CYP2J2: variants seen among roughly 807,000 people sequenced by gnomAD.
CYP2J2 encodes cytochrome P450 2J2.
In CYP2J2, 41 loss-of-function variants were observed where a neutral mutation model predicts 48.8. The ratio of observed to expected loss-of-function variants is 0.84; its 90% confidence interval spans 0.66 to 1.09. CYP2J2 has a LOEUF of 1.09. CYP2J2 is among the 50% of genes least tolerant of loss of function. CYP2J2 has a pLI of 0.00. For missense variants in CYP2J2, 644 were observed against 617.3 expected (o/e 1.04, Z -0.46); for synonymous variants, 221 against 227.1 (o/e 0.97, Z 0.24).
At chr1:59,937,164 G>A in the CYP2J2 span, among the ~76,000 whole-genome samples, 3 of 152,182 alleles carry the variant, frequency 2.0e-5, no homozygotes, top group Non-Finnish European at 2.9e-5. Context: ...CATTTCCTAT[G>A]ATGGAGTCTT....
At chr1:59,947,506 G>C in the CYP2J2 span, among the ~76,000 whole-genome samples, 2 of 152,178 alleles carry the variant, frequency 1.3e-5, no homozygotes, top group African/African-American at 4.8e-5. Flanking sequence ...GATGGGTTGA[G>C]TCCGCCCCCA....
intron 3 of CYP2J2, 131 bp downstream of exon 3, chr1:59,912,031 G>T: frequency 9.5e-7 from 1 of 1,052,802 alleles, no homozygotes; most frequent in Non-Finnish European, 1.4e-6. Flanking sequence ...TGAGGACAGA[G>T]TTGTTCACTG....
rs1195583038 is a variant in CYP2J2 at position 59,912,478 on chromosome 1, AC to A, written c.374-168del. 1.0e-5 allele frequency: 7 copies of A among 668,348 alleles called. No homozygotes were observed. The African/African-American group carries it at 1.1e-4, about 10-fold the overall frequency. 41.4% of individuals were successfully genotyped at this position (668,348 alleles called of 1,614,324 possible). On this transcript the variant is annotated intron_variant, in intron 2 of 8. Coordinates refer to ENST00000371204, the MANE Select transcript of CYP2J2 (RefSeq NM_000775.4). ...GCAATGGATATAATGGCTAATATTTACTGATTGCTTGCAATGGCAGGCACTT... is the reference window on the plus strand; with the variant it reads ...GCAATGGATATAATGGCTAATATTTATGATTGCTTGCAATGGCAGGCACTT...
At chr1:59,936,130 G>T in the CYP2J2 span, among the ~76,000 whole-genome samples, 14 of 152,296 alleles carry the variant, frequency 9.2e-5, no homozygotes, top group South Asian at 6.2e-4. Flanking sequence ...TGTGCTGAAT[G>T]TCATAATGGG....
the CYP2J2 span, among the ~76,000 whole-genome samples, chr1:59,940,061 G>T: frequency 6.6e-6 from 1 of 152,162 alleles, no homozygotes; most frequent in Non-Finnish European, 1.5e-5. Context: ...AGCTCACTTT[G>T]TGCTCTACCC....
the CYP2J2 span, among the ~76,000 whole-genome samples, chr1:59,948,404 T>C: frequency 1.3e-5 from 2 of 152,330 alleles, no homozygotes; most frequent in African/African-American, 4.8e-5. Context: ...TAAAATACTT[T>C]GCAGCATGCA....
the CYP2J2 span, among the ~76,000 whole-genome samples, chr1:59,951,208 G>C: frequency 6.6e-6 from 1 of 152,186 alleles, no homozygotes; most frequent in Non-Finnish European, 1.5e-5. Context: ...ACCTTGATCA[G>C]TTCAATACCA....
At chr1:59,953,649 T>C in the CYP2J2 span, among the ~76,000 whole-genome samples, 4 of 151,930 alleles carry the variant, frequency 2.6e-5, no homozygotes, top group Non-Finnish European at 4.4e-5. Context: ...GGCATTTGAA[T>C]GGAGATCTAA....
At chr1:59,904,176 T>A (rs774745410) in intron 7 of CYP2J2, among the ~76,000 whole-genome samples, 8 of 152,006 alleles carry the variant, frequency 5.3e-5, no homozygotes, top group African/African-American at 1.9e-4. Context: ...ATCCAGACCA[T>A]CCTGGCCAAC....
In CYP2J2 at chr1:59,895,532, T is replaced by G. The variant is rs77403553; in HGVS notation, c.1331-1703A>C. Among the ~76,000 whole-genome samples, 1,517 of 152,328 alleles carry G rather than the reference T, an allele frequency of 1.0e-2. 15 individuals carry two copies. The highest frequency in any genetic ancestry group is 0.034 in the African/African-American group (1,430 of 41,570). ...AGTTCTCTTGTAAAATTATTCTTTT[T>G]CTCTGTAACTAATAAGTACTTTGAG... On this transcript the variant is annotated intron_variant, in intron 8 of 8. Transcript: ENST00000371204.
intron 6 of CYP2J2, among the ~76,000 whole-genome samples, chr1:59,905,982 C>G (rs1038112824): frequency 6.6e-6 from 1 of 152,100 alleles, no homozygotes. Flanking sequence ...GTCAGGAGAT[C>G]GAGACCATCC....
chr1:59,911,010 C>T (rs1377631319), intron 4 of CYP2J2, among the ~76,000 whole-genome samples: 1 of 152,146 alleles, frequency 6.6e-6, no homozygotes, highest in Non-Finnish European at 1.5e-5. Flanking sequence ...CTTCTTTTAT[C>T]TCCAGATACA....
At chr1:59,936,267 G>A in the CYP2J2 span, among the ~76,000 whole-genome samples, 1 of 152,208 alleles carries the variant, frequency 6.6e-6, no homozygotes, top group African/African-American at 2.4e-5. Context: ...AGTTTAAAAT[G>A]CCAGTGAGTG....
At chr1:59,934,989 G>GAT in the CYP2J2 span, among the ~76,000 whole-genome samples, 1,184 of 58,150 alleles carry the variant, frequency 0.02, 46 homozygotes, top group Middle Eastern at 0.037. Context: ...AAGAAAATGG[G>GAT]ATATATATAT....
the CYP2J2 span, among the ~76,000 whole-genome samples, chr1:59,964,927 A>T: frequency 3.3e-5 from 5 of 152,320 alleles, no homozygotes; most frequent in Admixed American, 2.6e-4. Context: ...GCCAGTTAAG[A>T]GTCTATTGTA....
At chr1:59,964,676 T>C in the CYP2J2 span, among the ~76,000 whole-genome samples, 11,456 of 152,340 alleles carry the variant, frequency 0.075, 464 homozygotes, top group African/African-American at 0.11. Context: ...AAATTCCATA[T>C]GATAAGCTTG....
At chr1:59,936,041 A>G in the CYP2J2 span, among the ~76,000 whole-genome samples, 1 of 152,324 alleles carries the variant, frequency 6.6e-6, no homozygotes, top group South Asian at 2.1e-4. Flanking sequence ...GTGCTGGATT[A>G]CAGGCGTGAG....
chr1:59,963,334 G>A, the CYP2J2 span, among the ~76,000 whole-genome samples: 3 of 152,078 alleles, frequency 2.0e-5, no homozygotes, highest in South Asian at 2.1e-4. Flanking sequence ...CTCTGTACTC[G>A]TTAAGCCATA....
chr1:59,954,473 G>A, the CYP2J2 span, among the ~76,000 whole-genome samples: 1 of 151,496 alleles, frequency 6.6e-6, no homozygotes, highest in African/African-American at 2.4e-5. Flanking sequence ...AATGAAGAGT[G>A]AACAAAGGAA....
Sources: gnomAD v4.1 joint callset for allele counts (sites outside exome capture counted in the v4.1 genomes callset) on GRCh38, gnomAD v4.1.1 for gene constraint, MANE v1.5 for transcripts, NCBI Gene and HGNC (gene_info 2026-07-23, HGNC 2026-07-21) for gene names.